The following TMEM132D variants were observed in gnomAD, a reference collection of about 807,000 sequenced individuals.
The protein encoded by TMEM132D is mature OL transmembrane protein.
A neutral mutation model predicts 62.3 loss-of-function variants in TMEM132D; 21 were observed. That is an observed-to-expected ratio of 0.34 (90% CI 0.24 to 0.49). TMEM132D has a LOEUF of 0.49. TMEM132D is among the 20% of genes least tolerant of loss of function. The probability of loss-of-function intolerance (pLI) is 0.99; values close to 1 mark genes in which losing one functional copy is unlikely to be tolerated. For synonymous variants in TMEM132D, 621 were observed against 575.6 expected (o/e 1.08, Z -1.13); for missense variants, 1,346 against 1,402.8 (o/e 0.96, Z 0.65).
chr12:129,568,318 G>C (rs1877421987), intron 2 of TMEM132D, among the ~76,000 whole-genome samples: 1 of 152,200 alleles, frequency 6.6e-6, no homozygotes, highest in South Asian at 2.1e-4. Flanking sequence ...CGACAACCTG[G>C]AGGAGATCCT....
chr12:129,445,974 G>T (rs1213392356), intron 3 of TMEM132D, among the ~76,000 whole-genome samples: 1 of 152,124 alleles, frequency 6.6e-6, no homozygotes, highest in Admixed American at 6.5e-5. Context: ...AGGTGTCCCT[G>T]CAGGGTTACT....
At chr12:129,296,066 A>G (rs909866485) in intron 4 of TMEM132D, among the ~76,000 whole-genome samples, 1 of 133,464 alleles carries the variant, frequency 7.5e-6, no homozygotes, top group African/African-American at 3.0e-5. Context: ...CTATATGAAC[A>G]TGCACACACA....
intron 2 of TMEM132D, among the ~76,000 whole-genome samples, chr12:129,626,372 A>C (rs1047230270): frequency 4.6e-5 from 7 of 152,226 alleles, no homozygotes; most frequent in Admixed American, 1.3e-4. Flanking sequence ...GTTTTAGACT[A>C]TTTTGGAAGA....
intron 4 of TMEM132D, among the ~76,000 whole-genome samples, chr12:129,247,085 C>G (rs975037360): frequency 6.6e-6 from 1 of 152,114 alleles, no homozygotes; most frequent in African/African-American, 2.4e-5. Context: ...CAAAAGCCTT[C>G]TAAGTAGCTG....
At chr12:129,404,679 G>T (rs1871726184) in intron 3 of TMEM132D, among the ~76,000 whole-genome samples, 1 of 152,094 alleles carries the variant, frequency 6.6e-6, no homozygotes, top group Non-Finnish European at 1.5e-5. Flanking sequence ...CAGGGGGCAG[G>T]GGGGTGTAGG....
chr12:129,680,417 C>T (rs1220179174), intron 2 of TMEM132D, among the ~76,000 whole-genome samples: 3 of 152,062 alleles, frequency 2.0e-5, no homozygotes, highest in Non-Finnish European at 4.4e-5. Context: ...TTACCTGTTC[C>T]CTCTGTGTTC....
intron 2 of TMEM132D, among the ~76,000 whole-genome samples, chr12:129,656,236 A>T (rs1252875585): frequency 1.3e-5 from 2 of 152,054 alleles, no homozygotes; most frequent in African/African-American, 4.8e-5. Context: ...GAGAAAAAGG[A>T]GAGAAGGAAG....
chr12:129,246,690 T>C (rs1285632746), intron 4 of TMEM132D, among the ~76,000 whole-genome samples: 2 of 151,668 alleles, frequency 1.3e-5, no homozygotes, highest in African/African-American at 2.4e-5. Context: ...CTCTTGAACT[T>C]GGGAGGCAGA....
intron 3 of TMEM132D, among the ~76,000 whole-genome samples, chr12:129,367,175 C>T (rs1566046795): frequency 6.6e-6 from 1 of 152,220 alleles, no homozygotes; most frequent in Non-Finnish European, 1.5e-5. Context: ...AGCCTCAGTA[C>T]AATTGACGCC....
At chr12:129,737,441 G>A (rs1011258423) in intron 1 of TMEM132D, among the ~76,000 whole-genome samples, 3 of 152,080 alleles carry the variant, frequency 2.0e-5, no homozygotes, top group African/African-American at 7.2e-5. Context: ...TCTCTCTCTT[G>A]GGTTATCAAA....
chr12:129,797,408 G>A (rs1593165397), intron 1 of TMEM132D, among the ~76,000 whole-genome samples: 1 of 152,320 alleles, frequency 6.6e-6, no homozygotes, highest in East Asian at 1.9e-4. Flanking sequence ...CATATTCCCT[G>A]CACAGGAACA....
intron 5 of TMEM132D, among the ~76,000 whole-genome samples, chr12:129,153,906 G>C (rs530683005): frequency 6.6e-6 from 1 of 152,168 alleles, no homozygotes; most frequent in Non-Finnish European, 1.5e-5. Flanking sequence ...GCACTGATCA[G>C]GAGCGTGGGA....
At chr12:129,199,547 T>C (rs551596935) in intron 5 of TMEM132D, among the ~76,000 whole-genome samples, 1 of 152,190 alleles carries the variant, frequency 6.6e-6, no homozygotes, top group Non-Finnish European at 1.5e-5. Context: ...AATGTTGTTT[T>C]CTCTAAACTA....
chr12:129,352,423 T>C (rs961066212), intron 3 of TMEM132D, among the ~76,000 whole-genome samples: 1 of 139,646 alleles, frequency 7.2e-6, no homozygotes, highest in African/African-American at 2.7e-5. Flanking sequence ...GAAGTAGCTG[T>C]CCTTTCACCA....
intron 3 of TMEM132D, among the ~76,000 whole-genome samples, chr12:129,407,472 TA>T (rs1483069879): frequency 6.6e-6 from 1 of 152,194 alleles, no homozygotes; most frequent in Non-Finnish European, 1.5e-5. Context: ...GAACTAAGTA[TA>T]AAAATTTCTA....
At chr12:129,097,650 G>A (rs1197749248) in intron 5 of TMEM132D, among the ~76,000 whole-genome samples, 1 of 152,156 alleles carries the variant, frequency 6.6e-6, no homozygotes, top group Non-Finnish European at 1.5e-5. Context: ...ATGGAGAAAT[G>A]TTTGTTTGCA....
intron 4 of TMEM132D, among the ~76,000 whole-genome samples, chr12:129,247,681 C>T (rs1175441448): frequency 1.3e-5 from 2 of 152,156 alleles, no homozygotes; most frequent in Non-Finnish European, 2.9e-5. Context: ...GGTTCTCAGC[C>T]CAACGAGGGT....
chr12:129,552,957 C>T (rs79008858), intron 2 of TMEM132D, among the ~76,000 whole-genome samples: 2,640 of 152,282 alleles, frequency 0.017, 75 homozygotes, highest in African/African-American at 0.061. Context: ...AGGTCATCCA[C>T]GGTCCAGATC....
chr12:129,728,184 A>T (rs117731107), intron 1 of TMEM132D, among the ~76,000 whole-genome samples: 97 of 152,348 alleles, frequency 6.4e-4, no homozygotes, highest in Non-Finnish European at 1.1e-3. Flanking sequence ...CAGAATATAG[A>T]CACTGAATAT....
Sources: allele counts gnomAD v4.1 joint callset (sites outside exome capture counted in the v4.1 genomes callset), GRCh38; gene constraint gnomAD v4.1.1; transcripts MANE v1.5; gene names NCBI Gene and HGNC (gene_info 2026-07-23, HGNC 2026-07-21).